The following CEP192 variants were observed in gnomAD, a reference collection of about 807,000 sequenced individuals.
CEP192 encodes centrosomal protein of 192 kDa.
A neutral mutation model predicts 271.8 loss-of-function variants in CEP192; 151 were observed. That is an observed-to-expected ratio of 0.56 (90% CI 0.49 to 0.64). The LOEUF (loss-of-function observed/expected upper bound fraction) is 0.64, where lower values mean the gene tolerates loss of function less well. Ranked by LOEUF, CEP192 falls within the 30% of genes least tolerant of loss-of-function variation. The pLI, the probability that CEP192 is intolerant of heterozygous loss-of-function variation, is 0.00. For missense variants in CEP192, 2,910 were observed against 3,020.5 expected (o/e 0.96, Z 0.86); for synonymous variants, 995 against 1,076.5 (o/e 0.92, Z 1.48).
At chr18:13,027,672 G>A (rs1270532194) in intron 9 of CEP192, among the ~76,000 whole-genome samples, 1 of 152,044 alleles carries the variant, frequency 6.6e-6, no homozygotes, top group Non-Finnish European at 1.5e-5. Context: ...ATGGAGTGGC[G>A]ACTTCCAAGC....
At chr18:13,077,490 T>G (rs1003352506) in intron 30 of CEP192, among the ~76,000 whole-genome samples, 4 of 152,232 alleles carry the variant, frequency 2.6e-5, no homozygotes, top group Admixed American at 1.3e-4. Flanking sequence ...TTTAAAGGTG[T>G]GCATTTCAAA....
chr18:13,036,336 G>A (rs559852127), intron 11 of CEP192, among the ~76,000 whole-genome samples: 11 of 152,226 alleles, frequency 7.2e-5, no homozygotes, highest in Middle Eastern at 3.4e-3. Context: ...GTCTAGGGTC[G>A]CAAAGGAGCA....
chr18:13,095,406 A>G (rs771179717), intron 34 of CEP192, 97 bp from the exon 35 acceptor site: 6 of 908,086 alleles, frequency 6.6e-6, no homozygotes, highest in Non-Finnish European at 1.0e-5. Context: ...TTTATGAAGA[A>G]TATAAAAATA....
At chr18:13,064,764 G>A (rs900078439) in intron 21 of CEP192, among the ~76,000 whole-genome samples, 2 of 152,096 alleles carry the variant, frequency 1.3e-5, no homozygotes, top group African/African-American at 4.8e-5. Context: ...GTTAGGTAAT[G>A]TGATTCCTCC....
At chr18:13,028,676 C>T (rs576379201) in intron 9 of CEP192, among the ~76,000 whole-genome samples, 24 of 152,184 alleles carry the variant, frequency 1.6e-4, no homozygotes, top group East Asian at 3.9e-4. Context: ...CCCGCCACCA[C>T]GCCCGGCTAA....
At chr18:13,038,011 C>A (rs1002474663) in intron 12 of CEP192, among the ~76,000 whole-genome samples, 1 of 151,768 alleles carries the variant, frequency 6.6e-6, no homozygotes, top group Non-Finnish European at 1.5e-5. Flanking sequence ...TAACATTCTT[C>A]TTATTATTTT....
chr18:13,117,540 A>C lies in CEP192; in HGVS notation c.7417-45A>C, dbSNP rs114218745. The stretch of plus-strand genomic sequence containing the variant: ...TTGGTATGCTTATATATGCTAAAAG[A>C]TCTAATTTTCATAACTTTATAAAGT... On this transcript the variant is annotated intron_variant, in intron 43 of 44. Transcript: ENST00000506447. 1,533 of 1,388,820 alleles carry C rather than the reference A, an allele frequency of 1.1e-3. 19 individuals carry two copies. In the African/African-American group the frequency reaches 0.019, roughly 18 times the overall value. 86.0% of individuals were successfully genotyped at this position (1,388,820 alleles called of 1,614,324 possible). A position where few individuals can be genotyped will look rare whatever the true frequency, so the allele number is the denominator to read the frequency against.
intron 15 of CEP192, among the ~76,000 whole-genome samples, chr18:13,047,002 G>A (rs1258918861): frequency 1.3e-5 from 2 of 152,054 alleles, no homozygotes; most frequent in African/African-American, 4.8e-5. Flanking sequence ...CATTTTAAAA[G>A]TTGGCTGTCA....
chr18:13,109,391 T>A (rs2040104589), intron 40 of CEP192, among the ~76,000 whole-genome samples: 1 of 152,120 alleles, frequency 6.6e-6, no homozygotes. Context: ...TGGGGACTAC[T>A]GGAAGTGGGA....
At chr18:13,013,106 A>G in intron 5 of CEP192, 81 bp downstream of exon 5, 1 of 681,182 alleles carries the variant, frequency 1.5e-6, no homozygotes, top group South Asian at 2.0e-5. Context: ...ATAACTGTTA[A>G]TATTAGTTAG....
In CEP192 at chr18:13,061,319, C is replaced by A. The variant is rs148250973; in HGVS notation, c.4488+2007C>A. ...GCCTGGACAACAGAGCAAGTCTCTG[C>A]CTGAAAAAAAATAAAGTTAATTAGT... On this transcript the variant is annotated intron_variant, in intron 21 of 44. Coordinates refer to ENST00000506447, the MANE Select transcript of CEP192 (RefSeq NM_032142.4). Among the ~76,000 whole-genome samples, 528 of 152,224 alleles carry A rather than the reference C, an allele frequency of 3.5e-3. 4 individuals carry two copies. The highest frequency in any genetic ancestry group is 0.012 in the African/African-American group (504 of 41,552).
chr18:13,070,142 CAG>C (rs1248256222), intron 27 of CEP192, among the ~76,000 whole-genome samples: 1 of 150,792 alleles, frequency 6.6e-6, no homozygotes, highest in East Asian at 2.0e-4. Flanking sequence ...GGCTGGGCGA[CAG>C]AGAGTCCGTC....
chr18:13,028,510 GTTTATTTAT>G lies in CEP192; in HGVS notation c.1051-1141_1051-1133del, dbSNP rs565712724. ...TCATCTGGAATTTATTTTGATGTTT[GTTTATTTAT>G]TTTATTTATTTATTTTTGAGACGAA... is the stretch of plus-strand genomic sequence containing the variant. On this transcript the variant is annotated intron_variant, in intron 9 of 44. Coordinates refer to ENST00000506447, the MANE Select transcript of CEP192 (RefSeq NM_032142.4). Among the ~76,000 whole-genome samples, 608 of 152,096 alleles carry G rather than the reference GTTTATTTAT, an allele frequency of 4.0e-3. 2 individuals are homozygous for G. The highest frequency in any genetic ancestry group is 7.0e-3 in the Non-Finnish European group (474 of 67,940).
At chr18:13,070,890 T>G in intron 27 of CEP192, 149 bp from the exon 28 acceptor site, 2 of 627,010 alleles carry the variant, frequency 3.2e-6, no homozygotes, top group South Asian at 4.1e-5. Flanking sequence ...TCTTCTTGTC[T>G]GTATTCTCTG....
At chr18:13,070,006 C>T (rs2077626874) in intron 27 of CEP192, 150 bp downstream of exon 27, 1 of 539,268 alleles carries the variant, frequency 1.9e-6, no homozygotes, top group Non-Finnish European at 3.3e-6. Flanking sequence ...ACTAAAAATA[C>T]AAAAATTAGC....
intron 34 of CEP192, among the ~76,000 whole-genome samples, chr18:13,093,266 C>T (rs947905090): frequency 1.3e-5 from 2 of 152,186 alleles, no homozygotes; most frequent in Non-Finnish European, 2.9e-5. Flanking sequence ...CAGGTTCCAT[C>T]CACATGTTAT....
Position 13,100,434 on chromosome 18 carries a change from A to C in CEP192, c.6793A>C (p.Thr2265Pro), listed in dbSNP as rs1178847706. The change falls in exon 38 of 45, where the codon ACA (threonine) becomes CCA (proline). Residue 2265 changes from threonine (T) to proline (P), a missense_variant. Thr to Pro is a conservative substitution (Grantham distance 38). Coordinates refer to ENST00000506447, the MANE Select transcript of CEP192 (RefSeq NM_032142.4). ...AGTTAGTCATTTGGTCAAACCAATG[A>C]CAAAACCGCCTTCCACAAAAGTTGA... ...PSVSHLVKPM[T>P]KPPSTKVEIR... The C allele has an allele frequency of 3.1e-6, 5 of 1,614,152 alleles. No individual in the cohort carries two copies. The East Asian group carries it at 1.1e-4, about 36-fold the overall frequency.
intron 36 of CEP192, among the ~76,000 whole-genome samples, chr18:13,098,043 T>A (rs1010376916): frequency 3.9e-5 from 6 of 152,146 alleles, no homozygotes; most frequent in Non-Finnish European, 8.8e-5. Context: ...CATGTCTACT[T>A]CTTTCTACAC....
intron 30 of CEP192, among the ~76,000 whole-genome samples, chr18:13,073,639 A>T (rs1030751957): frequency 1.3e-5 from 2 of 152,244 alleles, no homozygotes; most frequent in Admixed American, 1.3e-4. Flanking sequence ...GAGGTTGGGA[A>T]GCCCAAGATT....
Sources: allele counts gnomAD v4.1 joint callset (sites outside exome capture counted in the v4.1 genomes callset), GRCh38; gene constraint gnomAD v4.1.1; transcripts MANE v1.5; gene names NCBI Gene and HGNC (gene_info 2026-07-23, HGNC 2026-07-21).